The following TEK variants were observed in gnomAD, a reference collection of about 807,000 sequenced individuals.
TEK encodes the protein TEK receptor tyrosine kinase.
A neutral mutation model predicts 131.8 loss-of-function variants in TEK; 43 were observed. The ratio of observed to expected loss-of-function variants is 0.33; its 90% CI spans 0.26 to 0.42. TEK has a LOEUF of 0.42. TEK is among the 10% of genes least tolerant of loss of function. The pLI is 1.00. For synonymous variants in TEK, 580 were observed against 491.6 expected, an observed-to-expected ratio of 1.18 and a Z score of -2.38; for missense variants, 1,162 against 1,384.4, an observed-to-expected ratio of 0.84 and a Z score of 2.55.
intron 2 of TEK, among the ~76,000 whole-genome samples, chr9:27,160,427 A>G (rs956962849): frequency 1.3e-5 from 2 of 152,084 alleles, no homozygotes; most frequent in Non-Finnish European, 2.9e-5. Context: ...TTTTAGATCA[A>G]TGCTTTTTAA....
intron 1 of TEK, among the ~76,000 whole-genome samples, chr9:27,115,217 G>A (rs1475472552): frequency 1.3e-5 from 2 of 152,166 alleles, no homozygotes; most frequent in Non-Finnish European, 2.9e-5. Context: ...TGAGCATAAA[G>A]GTCTGGTGCA....
At chr9:27,178,280 A>G (rs963916181) in intron 6 of TEK, among the ~76,000 whole-genome samples, 7 of 151,778 alleles carry the variant, frequency 4.6e-5, no homozygotes, top group African/African-American at 1.7e-4. Flanking sequence ...AAATGTGTAA[A>G]TTTATTTCTG....
rs895920722 is a variant in TEK at position 27,169,960 on chromosome 9, C to T, written c.628+331C>T. ...TCACATGCTCTTTATTGAGACATAC[C>T]TGAGACTGGGTAATTTATTAAGGGA... On this transcript the variant is annotated intron_variant, in intron 4 of 22. Coordinates refer to ENST00000380036, the MANE Select transcript of TEK (RefSeq NM_000459.5). Among the ~76,000 whole-genome samples, 41 of 152,242 alleles carry T rather than the reference C, an allele frequency of 2.7e-4. 1 individual carries two copies. Among genetic ancestry groups the T allele is most frequent in the Admixed American group, 1.8e-3 (28 of 15,294 alleles).
At position 27,220,192 on chromosome 9, in the gene TEK, G is replaced by A. The variant is rs1387987312; in HGVS notation, c.3200+47G>A. 3.1e-6 allele frequency: 5 copies of A among 1,592,086 alleles called. No individual in the cohort carries two copies. In the African/African-American group the frequency reaches 4.0e-5, roughly 13 times the overall value. ...GGCTATTTTGTCTTACCTTCCCCCT[G>A]TGTGTTTCTGGGGCCAGCTGACTCT... On this transcript the variant is annotated intron_variant, in intron 21 of 22. Coordinates refer to ENST00000380036, the MANE Select transcript of TEK (RefSeq NM_000459.5).
chr9:27,202,676 T>C (rs769164386), intron 12 of TEK, 144 bp from the exon 13 acceptor site: 17 of 796,202 alleles, frequency 2.1e-5, no homozygotes, highest in Non-Finnish European at 3.1e-5. Flanking sequence ...TGGAGTCCAG[T>C]AGCCACTACC....
chr9:27,186,630 G>A (rs1324565344), intron 9 of TEK, among the ~76,000 whole-genome samples: 6 of 152,104 alleles, frequency 3.9e-5, no homozygotes, highest in Non-Finnish European at 8.8e-5. Context: ...ATTAAACCTG[G>A]ATCTTCTGAC....
At chr9:27,197,036 G>C (rs145594442) in intron 11 of TEK, among the ~76,000 whole-genome samples, 1 of 122,264 alleles carries the variant, frequency 8.2e-6, no homozygotes, top group South Asian at 2.6e-4. Context: ...TGAACAATGA[G>C]AACATATGGA....
chr9:27,111,744 A>G (rs1338751723), intron 1 of TEK, among the ~76,000 whole-genome samples: 4 of 133,824 alleles, frequency 3.0e-5, no homozygotes, highest in African/African-American at 1.1e-4. Flanking sequence ...ACTCTTCCTC[A>G]TAAAACCAGG....
chr9:27,230,020 A>G lies in TEK; in HGVS notation c.*788A>G, dbSNP rs1260374885. ...AAAGCCTGGGTGACATTTGGGAGAC[A>G]TGTGACATTTATATATTGAATTAAT... On this transcript the variant is annotated 3_prime_UTR_variant, in exon 23 of 23. Transcript: ENST00000380036. 1 of 151,990 alleles carries G rather than the reference A, an allele frequency of 6.6e-6. No individual in the cohort carries two copies. The highest frequency in any genetic ancestry group is 1.5e-5 in the Non-Finnish European group (1 of 67,848). 9.4% of individuals were successfully genotyped at this position (151,990 alleles called of 1,614,324 possible).
intron 18 of TEK, 81 bp from the exon 19 acceptor site, chr9:27,217,607 G>A: frequency 8.0e-7 from 1 of 1,243,414 alleles, no homozygotes; most frequent in South Asian, 1.2e-5. Flanking sequence ...GCAATCATTT[G>A]TGGAGCCACA....
At chr9:27,190,185 T>A (rs1824758876) in intron 9 of TEK, among the ~76,000 whole-genome samples, 2 of 152,080 alleles carry the variant, frequency 1.3e-5, no homozygotes, top group African/African-American at 4.8e-5. Flanking sequence ...TGGAGGGTAC[T>A]AGGTGAGGGG....
Position 27,229,623 on chromosome 9 carries a change from T to C in TEK, c.*391T>C. 4.0e-6 allele frequency: 1 copy of C among 251,864 alleles called. No individual in the cohort carries two copies. The highest frequency in any genetic ancestry group is 7.8e-6 in the Non-Finnish European group (1 of 127,716). The allele number at this position is 251,864 out of a possible 1,614,324, so 15.6% of individuals were successfully genotyped here. ...AATGTTTTCCTGTGTCAAAGTAAAA[T>C]ATTGTTAATAAACCTAACAATGACC... On this transcript the variant is annotated 3_prime_UTR_variant, in exon 23 of 23. Coordinates refer to ENST00000380036, the MANE Select transcript of TEK (RefSeq NM_000459.5).
rs1378510695 is a variant in TEK, at chr9:27,229,732, A to G, written c.*500A>G. Reference sequence around the variant, plus strand: ...TTTAAGACACTGAAAAATCTAAGTGATATAAATCAGATTCTTCTCTCTCAA... The same window carrying G: ...TTTAAGACACTGAAAAATCTAAGTGGTATAAATCAGATTCTTCTCTCTCAA... On this transcript the variant is annotated 3_prime_UTR_variant, in exon 23 of 23. Transcript: ENST00000380036. 1 of 166,878 alleles carries G rather than the reference A, an allele frequency of 6.0e-6. No individual in the cohort carries two copies. The highest frequency in any genetic ancestry group is 1.3e-5 in the Non-Finnish European group (1 of 75,774). 10.3% of individuals were successfully genotyped at this position (166,878 alleles called of 1,614,324 possible).
chr9:27,225,255 G>T (rs1826269972), intron 21 of TEK, among the ~76,000 whole-genome samples: 1 of 151,984 alleles, frequency 6.6e-6, no homozygotes, highest in Admixed American at 6.6e-5. Flanking sequence ...ATTTCATATG[G>T]AACCAAAAAA....
intron 7 of TEK, among the ~76,000 whole-genome samples, chr9:27,183,092 A>G (rs1824451654): frequency 2.0e-5 from 3 of 152,212 alleles, no homozygotes; most frequent in Admixed American, 6.5e-5. Flanking sequence ...GTAATCATTC[A>G]TGTAAAAAGA....
intron 2 of TEK, among the ~76,000 whole-genome samples, chr9:27,162,916 A>T (rs1823595454): frequency 6.6e-6 from 1 of 152,038 alleles, no homozygotes; most frequent in Admixed American, 6.6e-5. Context: ...GGGCTTTACC[A>T]TGTTGGCCGG....
At chr9:27,227,609 A>G (rs1180475104) in intron 21 of TEK, among the ~76,000 whole-genome samples, 1 of 152,114 alleles carries the variant, frequency 6.6e-6, no homozygotes, top group Admixed American at 6.5e-5. Flanking sequence ...ACGTGGCACT[A>G]GGGGCAAAAG....
chr9:27,137,066 C>T (rs899116947), intron 1 of TEK, among the ~76,000 whole-genome samples: 5 of 152,148 alleles, frequency 3.3e-5, no homozygotes, highest in Admixed American at 3.3e-4. Flanking sequence ...TAGGCGCCTG[C>T]TGCCACGCCT....
At chr9:27,135,570 T>G (rs186009748) in intron 1 of TEK, among the ~76,000 whole-genome samples, 3 of 152,216 alleles carry the variant, frequency 2.0e-5, no homozygotes, top group East Asian at 1.9e-4. Context: ...TTTACGAAAA[T>G]TTTTTTTCGT....
Sources: gnomAD v4.1 joint callset for allele counts (sites outside exome capture counted in the v4.1 genomes callset) on GRCh38, gnomAD v4.1.1 for gene constraint, MANE v1.5 for transcripts, NCBI Gene and HGNC (gene_info 2026-07-23, HGNC 2026-07-21) for gene names.